SYCP1: variants seen among roughly 807,000 people sequenced by gnomAD.
The protein encoded by SYCP1 is synaptonemal complex protein 1.
SYCP1 carries 64 observed loss-of-function variants against 153.1 expected under a neutral mutation model. The observed-to-expected ratio is 0.42, with a 90% CI of 0.34 to 0.51. SYCP1 has a LOEUF of 0.51. Among genes scored for constraint, SYCP1 ranks in the 20% least tolerant of loss-of-function variants. The pLI is 0.06. For missense variants in SYCP1, 997 were observed against 1,049.0 expected, an observed-to-expected ratio of 0.95 and a Z score of 0.68; for synonymous variants, 384 against 341.8, an observed-to-expected ratio of 1.12 and a Z score of -1.36.
intron 8 of SYCP1, among the ~76,000 whole-genome samples, chr1:114,867,182 A>C (rs1570660267): frequency 6.6e-6 from 1 of 152,246 alleles, no homozygotes; most frequent in East Asian, 1.9e-4. Flanking sequence ...GAATTTGAAT[A>C]GTATCAGTTC....
At chr1:114,914,297 TTTAA>T (rs1466393331) in intron 20 of SYCP1, among the ~76,000 whole-genome samples, 2 of 151,900 alleles carry the variant, frequency 1.3e-5, no homozygotes, top group Non-Finnish European at 2.9e-5. Context: ...TTCTTTAATA[TTTAA>T]TTAAGAAAAT....
intron 27 of SYCP1, 69 bp from the exon 28 acceptor site, chr1:114,977,488 T>C (rs1672876024): frequency 2.0e-6 from 2 of 977,762 alleles, no homozygotes; most frequent in South Asian, 1.8e-5. Context: ...CTAGGAAAGA[T>C]TTTGATAATA....
intron 20 of SYCP1, among the ~76,000 whole-genome samples, chr1:114,916,533 G>A (rs572826998): frequency 6.6e-6 from 1 of 151,508 alleles, no homozygotes; most frequent in Non-Finnish European, 1.5e-5. Context: ...AGTCATTTTT[G>A]GTATGATTTG....
chr1:114,866,529 C>A (rs1177457745), intron 8 of SYCP1, among the ~76,000 whole-genome samples: 2 of 151,934 alleles, frequency 1.3e-5, no homozygotes, highest in East Asian at 3.9e-4. Flanking sequence ...AATCAGGTTG[C>A]ATGTTTTCTT....
rs372987503 is a variant in SYCP1 at position 114,856,621 on chromosome 1, A to G, written c.157A>G (p.Thr53Ala). Residue 53 changes from threonine to alanine, a missense_variant, in exon 3 of 32, where the codon ACT becomes GCT. Transcript: ENST00000369522. ...EDDFEFPFAKTNLSKNGENID... is the reference protein window; with the variant it reads ...EDDFEFPFAKANLSKNGENID... ...TGATTTTGAGTTTCCATTTGCAAAG[A>G]CTAATCTCTCCAAAAATGGGGAAAA... 1.2e-6 allele frequency: 2 copies of G among 1,612,366 alleles called. No individual in the cohort carries two copies. Among genetic ancestry groups the G allele is most frequent in the Non-Finnish European group, 1.7e-6 (2 of 1,179,352 alleles).
intron 30 of SYCP1, among the ~76,000 whole-genome samples, chr1:114,988,976 G>T (rs1386819582): frequency 6.6e-6 from 1 of 151,892 alleles, no homozygotes; most frequent in African/African-American, 2.4e-5. Context: ...AGACCAGCCT[G>T]GGTAACACAA....
In SYCP1 at chr1:114,876,101, G is replaced by A. The variant is rs376185049; in HGVS notation, c.690G>A (p.Val230=). The A allele has an allele frequency of 2.2e-5, 35 of 1,584,136 alleles. No individual in the cohort carries two copies. The highest frequency in any genetic ancestry group is 4.0e-5 in the African/African-American group (3 of 74,242). Residue 230 remains valine (V), a synonymous_variant, in exon 10 of 32, where the codon GTG becomes GTA. Coordinates refer to ENST00000369522, the MANE Select transcript of SYCP1 (RefSeq NM_003176.4). ...KMITAFEELR[V]QAENSRLEMH... ...TAACAGCTTTTGAGGAACTTCGTGT[G>A]CAAGCTGAGAATTCCAGACTGGAAA... is the stretch of plus-strand genomic sequence containing the variant.
At chr1:114,922,234 C>T (rs938768783) in intron 20 of SYCP1, among the ~76,000 whole-genome samples, 1 of 152,120 alleles carries the variant, frequency 6.6e-6, no homozygotes, top group African/African-American at 2.4e-5. Context: ...TTATCTCTGT[C>T]TCTACCTCCT....
intron 16 of SYCP1, among the ~76,000 whole-genome samples, chr1:114,903,907 T>TG (rs978460165): frequency 1.3e-5 from 2 of 152,176 alleles, no homozygotes; most frequent in African/African-American, 4.8e-5. Context: ...CATGTTTGTA[T>TG]GGGTCTATTT....
intron 27 of SYCP1, among the ~76,000 whole-genome samples, chr1:114,964,282 C>G (rs1671965839): frequency 6.6e-6 from 1 of 152,120 alleles, no homozygotes; most frequent in South Asian, 2.1e-4. Flanking sequence ...AGTCTTTTGT[C>G]AGATGGATAG....
chr1:114,973,260 C>G (rs889357778), intron 27 of SYCP1, among the ~76,000 whole-genome samples: 5 of 152,002 alleles, frequency 3.3e-5, no homozygotes, highest in African/African-American at 4.8e-5. Flanking sequence ...AGAAGTTTAT[C>G]TTTTGACTTT....
intron 16 of SYCP1, among the ~76,000 whole-genome samples, chr1:114,898,190 CA>C (rs1667185383): frequency 6.6e-6 from 1 of 152,186 alleles, no homozygotes. Context: ...AAATGTGTCT[CA>C]GGGGTGTTGC....
chr1:114,865,259 T>C (rs1664662337), intron 8 of SYCP1, among the ~76,000 whole-genome samples: 1 of 152,174 alleles, frequency 6.6e-6, no homozygotes, highest in Non-Finnish European at 1.5e-5. Context: ...TTATTGGTTA[T>C]CTCATCAGCT....
At chr1:114,886,346 G>A in intron 14 of SYCP1, 37 bp downstream of exon 14, 1 of 1,431,248 alleles carries the variant, frequency 7.0e-7, no homozygotes, top group Non-Finnish European at 9.2e-7. Flanking sequence ...CAAAATAAGT[G>A]AATAAAAACA....
intron 8 of SYCP1, among the ~76,000 whole-genome samples, chr1:114,867,426 T>C (rs1262404255): frequency 6.6e-6 from 1 of 152,168 alleles, no homozygotes; most frequent in Non-Finnish European, 1.5e-5. Flanking sequence ...TATTTGATTG[T>C]TTTCATCAAA....
At chr1:114,984,326 C>T (rs1427888827) in intron 29 of SYCP1, among the ~76,000 whole-genome samples, 1 of 152,044 alleles carries the variant, frequency 6.6e-6, no homozygotes, top group African/African-American at 2.4e-5. Flanking sequence ...CATATTTTCT[C>T]ACAATGTAAT....
At position 114,857,444 on chromosome 1, in the gene SYCP1, G is replaced by C; in HGVS notation, c.238G>C (p.Val80Leu). 1 of 1,596,664 alleles carries C rather than the reference G, an allele frequency of 6.3e-7. No individual in the cohort carries two copies. Residue 80 changes from valine to leucine, a missense_variant and splice_region_variant, in exon 5 of 32, where the codon GTT becomes CTT. By Grantham distance (32) the Val-to-Leu change is conservative (BLOSUM62 1). Transcript: ENST00000369522. ...CTTATAGAAACATCTATCTTTTTAG[G>C]TTGGTAATTCTGACTGTCACTATCA... is the stretch of plus-strand genomic sequence containing the variant. ...KVNFLPVLEQ[V>L]GNSDCHYQEG...
chr1:114,892,604 G>T (rs1033093250), intron 15 of SYCP1, among the ~76,000 whole-genome samples: 6 of 152,124 alleles, frequency 3.9e-5, no homozygotes, highest in Admixed American at 1.3e-4. Context: ...TTCTGCTGGG[G>T]TGACATGGGA....
Position 114,868,673 on chromosome 1 carries a change from C to G in SYCP1, c.599-5833C>G, listed in dbSNP as rs991484447. Among the ~76,000 whole-genome samples the G allele has an allele frequency of 2.6e-5, 4 of 152,212 alleles. No homozygotes were observed. In the South Asian group the frequency reaches 8.3e-4, roughly 32 times the overall value. On this transcript the variant is annotated intron_variant, in intron 8 of 31. Transcript: ENST00000369522. ...TTGTAGAATTCACCAGTGAAGCTGGCAGGCCTGGTGCTTTCTGTTCTGGAG... is the reference window on the plus strand; with the variant it reads ...TTGTAGAATTCACCAGTGAAGCTGGGAGGCCTGGTGCTTTCTGTTCTGGAG...
Sources: allele counts gnomAD v4.1 joint callset (sites outside exome capture counted in the v4.1 genomes callset), GRCh38; gene constraint gnomAD v4.1.1; transcripts MANE v1.5; gene names NCBI Gene and HGNC (gene_info 2026-07-23, HGNC 2026-07-21).